The following CHST1 variants were observed in gnomAD, a reference collection of about 807,000 sequenced individuals.
The protein encoded by CHST1 is carbohydrate sulfotransferase 1.
Under a neutral mutation model 22.5 loss-of-function variants are expected in CHST1, and 10 were observed. That is an observed-to-expected ratio of 0.44 (90% CI 0.27 to 0.75). CHST1 has a LOEUF of 0.75. Ranked by LOEUF, CHST1 falls within the 30% of genes least tolerant of loss-of-function variation. The pLI is 0.15. For missense variants in CHST1, 439 were observed against 576.1 expected (o/e 0.76, Z 2.44); for synonymous variants, 267 against 264.5 (o/e 1.01, Z -0.09).
In CHST1 at chr11:45,650,489, G is replaced by T; in HGVS notation, c.435C>A (p.Asn145Lys). 2 of 1,613,548 alleles carry T rather than the reference G, an allele frequency of 1.2e-6. No individual in the cohort carries two copies. Among genetic ancestry groups the T allele is most frequent in the Non-Finnish European group, 1.7e-6 (2 of 1,179,964 alleles). The change falls in exon 4 of 4, where the codon AAC (asparagine) becomes AAA (lysine). Residue 145 changes from asparagine (N) to lysine (K), a missense_variant. Transcript: ENST00000308064. ...LENYIKPPPV[N>K]HTTDRIFRRG... Reference sequence around the variant, plus strand: ...GGCGGAAGATCCTGTCGGTGGTGTGGTTGACCGGCGGCGGCTTGATGTAGT... The same window carrying T: ...GGCGGAAGATCCTGTCGGTGGTGTGTTTGACCGGCGGCGGCTTGATGTAGT...
chr11:45,664,885 C>G (rs1420980745), intron 1 of CHST1, among the ~76,000 whole-genome samples: 1 of 152,168 alleles, frequency 6.6e-6, no homozygotes, highest in Admixed American at 6.5e-5. Flanking sequence ...CGCTCCGCAG[C>G]GGAGGGGAGC....
intron 1 of CHST1, among the ~76,000 whole-genome samples, chr11:45,661,350 T>C (rs925723898): frequency 8.5e-5 from 13 of 152,192 alleles, no homozygotes; most frequent in African/African-American, 2.7e-4. Flanking sequence ...TCATTAATGA[T>C]CCTGAGAGAG....
rs1018334995 is a variant in CHST1, at chr11:45,665,033, T to C, written c.-227+145A>G. 1.3e-5 allele frequency: 2 copies of C among 152,124 alleles called. No individual in the cohort carries two copies. Among genetic ancestry groups the C allele is most frequent in the Non-Finnish European group, 2.9e-5 (2 of 68,100 alleles). 9.4% of individuals were successfully genotyped at this position (152,124 alleles called of 1,614,324 possible). A position where few individuals can be genotyped will look rare whatever the true frequency, so the allele number is the denominator to read the frequency against. ...CCTGCGCCCAACACGCCGCCGTTCC[T>C]CGCCGCCGCCACCCCTCCGCTCACC... On this transcript the variant is annotated intron_variant, in intron 1 of 3. Transcript: ENST00000308064. The surrounding 1 kb of genome is among the most constrained non-coding windows in gnomAD (Gnocchi z 4.0).
chr11:45,658,594 G>C (rs899295523), intron 1 of CHST1, among the ~76,000 whole-genome samples: 8 of 152,074 alleles, frequency 5.3e-5, no homozygotes, highest in Admixed American at 5.2e-4. Flanking sequence ...CCGACCTGAG[G>C]GGAAAGTTTT....
chr11:45,657,652 T>C (rs1303496578), intron 1 of CHST1, among the ~76,000 whole-genome samples: 1 of 152,210 alleles, frequency 6.6e-6, no homozygotes, highest in Non-Finnish European at 1.5e-5. Context: ...ATGTGAGCAG[T>C]ATGCCAACAC....
In CHST1 at chr11:45,649,710, C is replaced by A. The variant is rs756059942; in HGVS notation, c.1214G>T (p.Arg405Leu). 3 of 1,585,604 alleles carry A rather than the reference C, an allele frequency of 1.9e-6. No individual in the cohort carries two copies. Among genetic ancestry groups the A allele is most frequent in the Non-Finnish European group, 2.6e-6 (3 of 1,167,788 alleles). Residue 405 changes from arginine to leucine, a missense_variant, in exon 4 of 4, where the codon CGG becomes CTG. Coordinates refer to ENST00000308064, the MANE Select transcript of CHST1 (RefSeq NM_003654.6). ...GGGTCACGAGAAGGGGCGGAAGTCCCGCTCCTCCACCAGGCTGACCGAGGG... is the reference window on the plus strand; with the variant it reads ...GGGTCACGAGAAGGGGCGGAAGTCCAGCTCCTCCACCAGGCTGACCGAGGG... ...KNPSVSLVEE[R>L]DFRPFS is the part of the protein sequence containing the mutation.
At position 45,650,636 on chromosome 11, in the gene CHST1, G is replaced by A; in HGVS notation, c.288C>T (p.Val96=). ...TGAAGCGGGGGATGAGCGTGTTCTG[G>A]ACGTGGTAGAGGGGCTCAAACAGGT... is the stretch of plus-strand genomic sequence containing the variant. ...VFYLFEPLYH[V]QNTLIPRFTQ... Residue 96 remains valine, a synonymous_variant, in exon 4 of 4, where the codon GTC becomes GTT. Transcript: ENST00000308064. 1.2e-6 allele frequency: 2 copies of A among 1,614,138 alleles called. No homozygotes were observed. The highest frequency in any genetic ancestry group is 4.5e-5 in the East Asian group (2 of 44,868).
rs1304565002 is a variant in CHST1 at position 45,647,766 on chromosome 11, A to G, written c.*1922T>C. Among the ~76,000 whole-genome samples the G allele has an allele frequency of 6.6e-6, 1 of 152,204 alleles. No individual in the cohort carries two copies. The highest frequency in any genetic ancestry group is 1.9e-4 in the East Asian group (1 of 5,196). ...AAGATGGTAAATTTTACATTCTGTT[A>G]TTTTACCCCAGTAAAATTTTTTACA... On this transcript the variant is annotated 3_prime_UTR_variant, in exon 4 of 4. Coordinates refer to ENST00000308064, the MANE Select transcript of CHST1 (RefSeq NM_003654.6).
chr11:45,660,890 C>T (rs996907958), intron 1 of CHST1, among the ~76,000 whole-genome samples: 1 of 152,210 alleles, frequency 6.6e-6, no homozygotes, highest in African/African-American at 2.4e-5. Flanking sequence ...GAGAAGGAGA[C>T]AGCATTCCTG....
intron 1 of CHST1, among the ~76,000 whole-genome samples, chr11:45,660,144 G>A (rs60832759): frequency 2.0e-5 from 3 of 152,190 alleles, no homozygotes; most frequent in African/African-American, 4.8e-5. Context: ...ACCCTTTCAC[G>A]CCTCACCTCA....
rs773156435 is a variant in CHST1 at position 45,650,337 on chromosome 11, G to T, written c.587C>A (p.Ala196Glu). Residue 196 changes from alanine (A) to glutamate (E), a missense_variant, in exon 4 of 4, where the codon GCG becomes GAG. By Grantham distance (107) the Ala-to-Glu change is moderately radical. Coordinates refer to ENST00000308064, the MANE Select transcript of CHST1 (RefSeq NM_003654.6). ...GLLNLTVAAE[A>E]CRERSHVAIK... ...GGCCACGTGGCTGCGCTCGCGGCAC[G>T]CCTCGGCCGCCACGGTCAGGTTGAG... 2 of 1,603,136 alleles carry T rather than the reference G, an allele frequency of 1.2e-6. No homozygotes were observed. Among genetic ancestry groups the T allele is most frequent in the Non-Finnish European group, 1.7e-6 (2 of 1,179,712 alleles).
intron 1 of CHST1, among the ~76,000 whole-genome samples, chr11:45,653,033 G>A (rs562353744): frequency 2.3e-4 from 35 of 152,376 alleles, no homozygotes; most frequent in African/African-American, 8.2e-4. Context: ...CTTAGAGCAT[G>A]TTCCTCCCCT....
intron 1 of CHST1, among the ~76,000 whole-genome samples, chr11:45,659,784 T>C (rs1262978317): frequency 6.6e-6 from 1 of 152,192 alleles, no homozygotes; most frequent in Non-Finnish European, 1.5e-5. Context: ...CCAAATCCTA[T>C]GCCACCAAAA....
chr11:45,664,374 A>G (rs1852171091), intron 1 of CHST1, among the ~76,000 whole-genome samples: 1 of 152,170 alleles, frequency 6.6e-6, no homozygotes, highest in Non-Finnish European at 1.5e-5. Flanking sequence ...AGCCGGCCCC[A>G]GAGCTGAGGA....
intron 1 of CHST1, among the ~76,000 whole-genome samples, chr11:45,657,968 C>T (rs1006343368): frequency 3.9e-5 from 6 of 152,184 alleles, no homozygotes; most frequent in Non-Finnish European, 7.4e-5. Flanking sequence ...ATTGGTCTAC[C>T]GATTTTTCAC....
chr11:45,658,673 G>A (rs1224454251), intron 1 of CHST1, among the ~76,000 whole-genome samples: 1 of 152,114 alleles, frequency 6.6e-6, no homozygotes, highest in Non-Finnish European at 1.5e-5. Flanking sequence ...CAGCTCCTCT[G>A]GGGGAGGGAT....
At position 45,650,542 on chromosome 11, in the gene CHST1, A is replaced by G; in HGVS notation, c.382T>C (p.Tyr128His). ...GASRDLLRSL[Y>H]DCDLYFLENY... ...TCCAGGAAGTAGAGGTCGCAGTCGTAGAGGCTCCGCAGGAGGTCGCGGCTG... is the reference window on the plus strand; with the variant it reads ...TCCAGGAAGTAGAGGTCGCAGTCGTGGAGGCTCCGCAGGAGGTCGCGGCTG... Residue 128 changes from tyrosine to histidine, a missense_variant, in exon 4 of 4, where the codon TAC becomes CAC. By Grantham distance (83) the Tyr-to-His change is moderately conservative. Coordinates refer to ENST00000308064, the MANE Select transcript of CHST1 (RefSeq NM_003654.6). The G allele has an allele frequency of 6.2e-7, 1 of 1,613,946 alleles. No individual in the cohort carries two copies. Among genetic ancestry groups the G allele is most frequent in the Non-Finnish European group, 8.5e-7 (1 of 1,179,972 alleles).
At chr11:45,654,713 C>T (rs113018003) in intron 1 of CHST1, among the ~76,000 whole-genome samples, 1 of 152,212 alleles carries the variant, frequency 6.6e-6, no homozygotes, top group Admixed American at 6.5e-5. Flanking sequence ...AAAATCCAAG[C>T]AAACCTTGGA....
At position 45,665,572 on chromosome 11, in the gene CHST1, C is replaced by G. The variant is rs1024169360; in HGVS notation, c.-621G>C. The G allele has an allele frequency of 6.6e-6, 1 of 151,798 alleles. No individual in the cohort carries two copies. The highest frequency in any genetic ancestry group is 2.0e-4 in the East Asian group (1 of 5,102). The allele number at this position is 151,798 out of a possible 1,614,324, so 9.4% of individuals were successfully genotyped here. The stretch of plus-strand genomic sequence containing the variant: ...ACCAGAGCCTCTCGGAGCGCCCGCC[C>G]GCGTCCCCGAGCCAAGAGCAGCGGC... On this transcript the variant is annotated 5_prime_UTR_variant, in exon 1 of 4. Transcript: ENST00000308064. This position sits in a 1 kb window ranked among gnomAD's most constrained non-coding sequence, Gnocchi z 4.0.
Sources: allele counts gnomAD v4.1 joint callset (sites outside exome capture counted in the v4.1 genomes callset), GRCh38; gene constraint gnomAD v4.1.1; non-coding constraint Gnocchi (gnomAD v3.1); transcripts MANE v1.5; gene names NCBI Gene and HGNC (gene_info 2026-07-23, HGNC 2026-07-21).